Variants in PXN observed in about 807,000 individuals in gnomAD.
PXN encodes the protein paxillin.
A neutral mutation model predicts 103.6 loss-of-function variants in PXN; 61 were observed. The observed-to-expected ratio is 0.59, with a 90% CI of 0.48 to 0.73. PXN has a LOEUF of 0.73. Ranked by LOEUF, PXN falls within the 30% of genes least tolerant of loss-of-function variation. PXN has a pLI of 0.00. For missense variants in PXN, 1,274 were observed against 1,460.3 expected, an observed-to-expected ratio of 0.87 and a Z score of 2.08; for synonymous variants, 562 against 607.8, an observed-to-expected ratio of 0.92 and a Z score of 1.11.
intron 1 of PXN, among the ~76,000 whole-genome samples, chr12:120,255,954 G>T (rs1231454601): frequency 7.0e-6 from 1 of 143,272 alleles, no homozygotes; most frequent in Non-Finnish European, 1.5e-5. Flanking sequence ...GACTGCGGGG[G>T]GTTGGGGGGG....
At chr12:120,238,027 T>C (rs181937954) in intron 1 of PXN, among the ~76,000 whole-genome samples, 18 of 152,314 alleles carry the variant, frequency 1.2e-4, no homozygotes, top group Admixed American at 3.3e-4. Flanking sequence ...GCAAGGCCAA[T>C]TTCTCCGGAG....
chr12:120,239,244 C>G (rs1407869755), intron 1 of PXN, among the ~76,000 whole-genome samples: 3 of 152,026 alleles, frequency 2.0e-5, no homozygotes, highest in African/African-American at 4.8e-5. Flanking sequence ...GTCAAGAGTT[C>G]CAAACCAGCC....
At position 120,224,729 on chromosome 12, in the gene PXN, T is replaced by C. The variant is rs1446035088; in HGVS notation, c.14-352A>G. 4 of 527,162 alleles carry C rather than the reference T, an allele frequency of 7.6e-6. No homozygotes were observed. The highest frequency in any genetic ancestry group is 7.6e-5 in the African/African-American group (4 of 52,810). 32.7% of individuals were successfully genotyped at this position (527,162 alleles called of 1,614,324 possible). ...AAGTGCCTGTCTGGAACTCTGAATC[T>C]GCAGGGCAACGCGGAGAGAATGGGC... is the stretch of plus-strand genomic sequence containing the variant. On this transcript the variant is annotated intron_variant, in intron 1 of 14. Transcript: ENST00000637617. The surrounding 1 kb of genome is among the most constrained non-coding windows in gnomAD (Gnocchi z 5.0).
Position 120,215,619 on chromosome 12 carries a change from C to T in PXN, c.2344G>A (p.Ala782Thr), listed in dbSNP as rs762408891. The part of the protein sequence containing the change: ...EQRADGERCW[A>T]AGWPRDGGRS... ...CCGCCGTCCCGAGGCCAGCCGGCCGCCCAGCACCGCTCCCCATCCGCTCTT... is the reference window on the plus strand; with the variant it reads ...CCGCCGTCCCGAGGCCAGCCGGCCGTCCAGCACCGCTCCCCATCCGCTCTT... The change falls in exon 10 of 15, where the codon GCG (alanine) becomes ACG (threonine). Residue 782 changes from alanine to threonine, a missense_variant. Ala to Thr is a moderately conservative substitution (Grantham distance 58). Coordinates refer to ENST00000637617, the MANE Select transcript of PXN (RefSeq NM_001385981.1). This position sits in a 1 kb window ranked among gnomAD's most constrained non-coding sequence, Gnocchi z 4.9. 1.9e-6 allele frequency: 3 copies of T among 1,612,162 alleles called. No homozygotes were observed. The highest frequency in any genetic ancestry group is 3.3e-5 in the Admixed American group (2 of 59,874).
At position 120,215,158 on chromosome 12, in the gene PXN, A is replaced by AC; in HGVS notation, c.2518dup (p.Val840GlyfsTer57). On this transcript the variant is annotated frameshift_variant, in exon 11 of 15. Coordinates refer to ENST00000637617, the MANE Select transcript of PXN (RefSeq NM_001385981.1). LOFTEE classifies it high-confidence loss of function. The surrounding 1 kb of genome is among the most constrained non-coding windows in gnomAD (Gnocchi z 4.9). Reference sequence around the variant, plus strand: ...GCAGACTCCTTTGGCGACTGTGGCGACCCCCAGCTTGTTCAGGTCAGACTG... The same window carrying AC: ...GCAGACTCCTTTGGCGACTGTGGCGACCCCCCAGCTTGTTCAGGTCAGACTG... The AC allele has an allele frequency of 6.4e-7, 1 of 1,569,934 alleles. No homozygotes were observed. Among genetic ancestry groups the AC allele is most frequent in the Non-Finnish European group, 8.7e-7 (1 of 1,155,742 alleles).
chr12:120,242,518 C>T (rs993016113), intron 1 of PXN, among the ~76,000 whole-genome samples: 13 of 152,218 alleles, frequency 8.5e-5, no homozygotes, highest in African/African-American at 2.4e-4. Context: ...GCCTCAAACC[C>T]TCATGGAAAT....
rs377762381 is a variant in PXN, at chr12:120,215,516, G to T, written c.2403+44C>A. On this transcript the variant is annotated intron_variant, in intron 10 of 14. Coordinates refer to ENST00000637617, the MANE Select transcript of PXN (RefSeq NM_001385981.1). The surrounding 1 kb of genome is among the most constrained non-coding windows in gnomAD (Gnocchi z 4.9). ...CCCAGCAGGCATGGCCAAGCCCAGGGAGAGCACGACACGCAGGACACCCAG... is the reference window on the plus strand; with the variant it reads ...CCCAGCAGGCATGGCCAAGCCCAGGTAGAGCACGACACGCAGGACACCCAG... 9.8e-6 allele frequency: 15 copies of T among 1,535,202 alleles called. No individual in the cohort carries two copies. The highest frequency in any genetic ancestry group is 1.3e-5 in the Non-Finnish European group (15 of 1,143,402).
rs777575085 is a variant in PXN, at chr12:120,215,608, C to G, written c.2355G>C (p.Trp785Cys). The G allele has an allele frequency of 1.9e-6, 3 of 1,611,094 alleles. No individual in the cohort carries two copies. Among genetic ancestry groups the G allele is most frequent in the Non-Finnish European group, 2.5e-6 (3 of 1,178,858 alleles). ...GGCTGCTCCGCCCGCCGTCCCGAGG[C>G]CAGCCGGCCGCCCAGCACCGCTCCC... ...ADGERCWAAG[W>C]PRDGGRSSPG... The change falls in exon 10 of 15, where the codon TGG becomes TGC. Residue 785 changes from tryptophan to cysteine, a missense_variant. Transcript: ENST00000637617. This position sits in a 1 kb window ranked among gnomAD's most constrained non-coding sequence, Gnocchi z 4.9.
intron 1 of PXN, among the ~76,000 whole-genome samples, chr12:120,252,891 G>A (rs1271718544): frequency 4.0e-5 from 6 of 151,670 alleles, no homozygotes; most frequent in African/African-American, 7.3e-5. Context: ...CCAACTACTC[G>A]GGAGGTTGAG....
chr12:120,262,933 A>G (rs1894096706), intron 1 of PXN, among the ~76,000 whole-genome samples: 1 of 152,202 alleles, frequency 6.6e-6, no homozygotes, highest in African/African-American at 2.4e-5. Flanking sequence ...TCAGAGAGCT[A>G]TAAATTTGTA....
chr12:120,263,981 C>G (rs1894280874), intron 1 of PXN, among the ~76,000 whole-genome samples: 1 of 151,848 alleles, frequency 6.6e-6, no homozygotes, highest in Non-Finnish European at 1.5e-5. Flanking sequence ...GATCCTGGTT[C>G]AAAGAACATC....
At position 120,215,991 on chromosome 12, in the gene PXN, G is replaced by T. The variant is rs1455046568; in HGVS notation, c.2301+282C>A. The T allele has an allele frequency of 1.5e-6, 2 of 1,364,682 alleles. No homozygotes were observed. The highest frequency in any genetic ancestry group is 2.8e-5 in the East Asian group (1 of 35,984). 84.5% of individuals were successfully genotyped at this position (1,364,682 alleles called of 1,614,324 possible). On this transcript the variant is annotated intron_variant, in intron 9 of 14. Transcript: ENST00000637617. The surrounding 1 kb of genome is among the most constrained non-coding windows in gnomAD (Gnocchi z 4.9). ...GGTTTCTGGTCTCCCTTCTGGAGTG[G>T]CTTCTTTCCTCGATGGGAGCCCGGG... is the stretch of plus-strand genomic sequence containing the variant.
intron 1 of PXN, chr12:120,250,233 C>A: frequency 1.0e-6 from 1 of 974,026 alleles, no homozygotes; most frequent in Non-Finnish European, 1.2e-6. Context: ...GAGGAATGTT[C>A]CTGGAAACAG....
chr12:120,219,142 G>A lies in PXN; in HGVS notation c.1716+65C>T, dbSNP rs1241414408. The A allele has an allele frequency of 2.1e-5, 30 of 1,414,860 alleles. No individual in the cohort carries two copies. Among genetic ancestry groups the A allele is most frequent in the Non-Finnish European group, 2.5e-5 (27 of 1,071,070 alleles). 87.6% of individuals were successfully genotyped at this position (1,414,860 alleles called of 1,614,324 possible). On this transcript the variant is annotated intron_variant, in intron 7 of 14. Coordinates refer to ENST00000637617, the MANE Select transcript of PXN (RefSeq NM_001385981.1). The surrounding 1 kb of genome is among the most constrained non-coding windows in gnomAD (Gnocchi z 6.5). ...GAGTGGGAGGCTGCATGCAGTTAGCGAGGAGCGGCCCACACTCAGACCCGC... is the reference window on the plus strand; with the variant it reads ...GAGTGGGAGGCTGCATGCAGTTAGCAAGGAGCGGCCCACACTCAGACCCGC...
intron 1 of PXN, among the ~76,000 whole-genome samples, chr12:120,258,944 C>T (rs1437072715): frequency 6.6e-6 from 1 of 151,972 alleles, no homozygotes; most frequent in Non-Finnish European, 1.5e-5. Context: ...TGGTGCATGC[C>T]TGTAATCCCA....
rs1203517150 is a variant in PXN, at chr12:120,216,896, A to C, written c.1937T>G (p.Val646Gly). The stretch of plus-strand genomic sequence containing the variant: ...CCCACGTGGCTGCACAGTGATGATG[A>C]CGCCCTCGGTCAGCCAGTCCTGGGC... ...PSAQDWLTEG[V>G]IITVQPRGKR... Residue 646 changes from valine to glycine, a missense_variant, in exon 8 of 15, where the codon GTC becomes GGC. This residue lies in a region of PXN where 1,178 missense variants were observed against 1,309.0 expected (regional missense o/e 0.90). Coordinates refer to ENST00000637617, the MANE Select transcript of PXN (RefSeq NM_001385981.1). The surrounding 1 kb of genome is among the most constrained non-coding windows in gnomAD (Gnocchi z 5.1). 3 of 1,516,800 alleles carry C rather than the reference A, an allele frequency of 2.0e-6. No individual in the cohort carries two copies. Among genetic ancestry groups the C allele is most frequent in the Non-Finnish European group, 2.6e-6 (3 of 1,136,600 alleles). The allele number at this position is 1,516,800 out of a possible 1,614,324, so 94.0% of individuals were successfully genotyped here.
chr12:120,212,135 G>T lies in PXN; in HGVS notation c.*179C>A. ...GGGAGGAGGGGGCCCAGAGGCTCTGGCAGGGGTGAAGACAAGCAGGGGGAC... is the reference window on the plus strand; with the variant it reads ...GGGAGGAGGGGGCCCAGAGGCTCTGTCAGGGGTGAAGACAAGCAGGGGGAC... On this transcript the variant is annotated 3_prime_UTR_variant, in exon 15 of 15. Coordinates refer to ENST00000637617, the MANE Select transcript of PXN (RefSeq NM_001385981.1). The surrounding 1 kb of genome is among the most constrained non-coding windows in gnomAD (Gnocchi z 7.2). 2 of 930,762 alleles carry T rather than the reference G, an allele frequency of 2.1e-6. No individual in the cohort carries two copies. The highest frequency in any genetic ancestry group is 3.4e-6 in the Non-Finnish European group (2 of 589,560). The allele number at this position is 930,762 out of a possible 1,614,324, so 57.7% of individuals were successfully genotyped here. A position where few individuals can be genotyped will look rare whatever the true frequency, so the allele number is the denominator to read the frequency against.
intron 1 of PXN, among the ~76,000 whole-genome samples, chr12:120,230,228 T>C (rs992257331): frequency 1.3e-5 from 2 of 152,212 alleles, no homozygotes; most frequent in Non-Finnish European, 2.9e-5. Context: ...CGGGCTGCCA[T>C]AGCACAGGGG....
Position 120,223,761 on chromosome 12 carries a change from C to T in PXN, c.313G>A (p.Gly105Ser). The T allele has an allele frequency of 6.2e-7, 1 of 1,609,076 alleles. No individual in the cohort carries two copies. Among genetic ancestry groups the T allele is most frequent in the Non-Finnish European group, 8.5e-7 (1 of 1,177,856 alleles). The change falls in exon 3 of 15, where the codon GGC becomes AGC. Residue 105 changes from glycine (G) to serine (S), a missense_variant. By Grantham distance (56) the Gly-to-Ser change is moderately conservative. Coordinates refer to ENST00000637617, the MANE Select transcript of PXN (RefSeq NM_001385981.1). ...SSVSNPQDSV[G>S]SPCSRVGEEE... ...TCACCCACTCGGGAGCACGGAGAGC[C>T]AACACTGTCCTGAGGGTTGGAGACA...
Sources: allele counts gnomAD v4.1 joint callset (sites outside exome capture counted in the v4.1 genomes callset), GRCh38; gene constraint gnomAD v4.1.1; regional missense constraint gnomAD v4.1.1; non-coding constraint Gnocchi (gnomAD v3.1); transcripts MANE v1.5; gene names NCBI Gene and HGNC (gene_info 2026-07-23, HGNC 2026-07-21).